Variants in SMAD9 observed in about 807,000 individuals in gnomAD.
The protein encoded by SMAD9 is MAD homolog 9.
SMAD9 carries 36 observed loss-of-function variants against 46.1 expected under a neutral mutation model. The observed-to-expected ratio is 0.78, with a 90% CI of 0.60 to 1.03. The LOEUF (loss-of-function observed/expected upper bound fraction) is 1.03, where lower values mean the gene tolerates loss of function less well. SMAD9 is among the 50% of genes least tolerant of loss of function. The pLI is 0.00. For synonymous variants in SMAD9, 245 were observed against 237.1 expected (o/e 1.03, Z -0.31); for missense variants, 572 against 599.8 (o/e 0.95, Z 0.48).
At position 36,893,239 on chromosome 13, in the gene SMAD9, C is replaced by T. The variant is rs73535752; in HGVS notation, c.-186-13364G>A. 2.0e-3 allele frequency among the ~76,000 whole-genome samples: 307 copies of T among 151,824 alleles called. 2 individuals carry two copies. The highest frequency in any genetic ancestry group is 7.0e-3 in the African/African-American group (291 of 41,460). ...CTCAACCAGCATTTTAAAAAATGGA[C>T]TAGATTTTATCAGTCATTGTTGATA... On this transcript the variant is annotated intron_variant, in intron 1 of 6. Transcript: ENST00000379826.
At chr13:36,896,359 C>G (rs2058528871) in intron 1 of SMAD9, among the ~76,000 whole-genome samples, 1 of 152,142 alleles carries the variant, frequency 6.6e-6, no homozygotes, top group Admixed American at 6.6e-5. Context: ...TTTCGAACTC[C>G]TTGGCTCAAG....
chr13:36,872,694 T>C lies in SMAD9; in HGVS notation c.634A>G (p.Ser212Gly). ...TAGGGACTCTCTGGCTCAGAAGGAC[T>C]TCCTGGGGAGTGAGGGTAGCTGGCC... Reference protein sequence around the residue: ...CTASYPHSPGSPSEPESPYQH... With the variant: ...CTASYPHSPGGPSEPESPYQH... The change falls in exon 3 of 7, where the codon AGT becomes GGT. Residue 212 changes from serine (S) to glycine (G), a missense_variant. Coordinates refer to ENST00000379826, the MANE Select transcript of SMAD9 (RefSeq NM_001127217.3). The C allele has an allele frequency of 6.2e-7, 1 of 1,613,998 alleles. No homozygotes were observed. Among genetic ancestry groups the C allele is most frequent in the Middle Eastern group, 1.6e-4 (1 of 6,062 alleles).
Position 36,879,574 on chromosome 13 carries a change from T to TC in SMAD9, c.115dup (p.Asp39GlyfsTer76). The stretch of plus-strand genomic sequence containing the variant: ...CTTCTTTAACTTCTTCACTAGAGAG[T>TC]CCACTGCCTTCTCTGCCCACTTTTC... On this transcript the variant is annotated frameshift_variant, in exon 2 of 7. Coordinates refer to ENST00000379826, the MANE Select transcript of SMAD9 (RefSeq NM_001127217.3). LOFTEE classifies it high-confidence loss of function. 6.2e-7 allele frequency: 1 copy of TC among 1,614,092 alleles called. No homozygotes were observed. The highest frequency in any genetic ancestry group is 8.5e-7 in the Non-Finnish European group (1 of 1,179,986).
intron 5 of SMAD9, among the ~76,000 whole-genome samples, chr13:36,861,763 T>C (rs949246952): frequency 1.3e-5 from 2 of 151,786 alleles, no homozygotes; most frequent in Non-Finnish European, 2.9e-5. Context: ...ACCCTTTCTC[T>C]ACTAAAAATA....
intron 6 of SMAD9, among the ~76,000 whole-genome samples, chr13:36,850,276 C>T (rs1006286993): frequency 6.6e-6 from 1 of 152,214 alleles, no homozygotes; most frequent in African/African-American, 2.4e-5. Flanking sequence ...TACTACCTCA[C>T]TGGTTGGTCT....
At chr13:36,855,277 A>G (rs1048804818) in intron 5 of SMAD9, among the ~76,000 whole-genome samples, 3 of 150,488 alleles carry the variant, frequency 2.0e-5, no homozygotes, top group African/African-American at 7.3e-5. Context: ...AAAAAAAAAG[A>G]AAAGCATCCT....
intron 1 of SMAD9, among the ~76,000 whole-genome samples, chr13:36,910,281 A>C (rs972834162): frequency 2.0e-5 from 3 of 152,164 alleles, no homozygotes; most frequent in African/African-American, 7.2e-5. Flanking sequence ...CACTATGTTC[A>C]AATGTAGAGA....
At chr13:36,889,504 G>T (rs2058473197) in intron 1 of SMAD9, among the ~76,000 whole-genome samples, 1 of 152,144 alleles carries the variant, frequency 6.6e-6, no homozygotes, top group African/African-American at 2.4e-5. Flanking sequence ...TTAACTCATA[G>T]AACAAAGCAG....
intron 5 of SMAD9, among the ~76,000 whole-genome samples, chr13:36,856,918 T>A (rs2058132254): frequency 6.6e-6 from 1 of 150,954 alleles, no homozygotes; most frequent in South Asian, 2.1e-4. Context: ...TTCTCCTGCA[T>A]CAGCCTCCCG....
intron 1 of SMAD9, among the ~76,000 whole-genome samples, chr13:36,908,719 G>GA (rs1263528004): frequency 2.6e-5 from 4 of 151,348 alleles, no homozygotes; most frequent in Non-Finnish European, 4.4e-5. Context: ...TAGTCAAAAG[G>GA]AAAAAAAAGA....
rs566527031 is a variant in SMAD9 at position 36,860,808 on chromosome 13, A to T, written c.1003+4729T>A. The stretch of plus-strand genomic sequence containing the variant: ...AGTGGGGGTAGCTATCATCATCATC[A>T]TATTATTATTATTTGATATGTCATT... On this transcript the variant is annotated intron_variant, in intron 5 of 6. Transcript: ENST00000379826. 2.7e-4 allele frequency among the ~76,000 whole-genome samples: 41 copies of T among 151,956 alleles called. No homozygotes were observed. In the East Asian group the frequency reaches 3.1e-3, roughly 11 times the overall value.
At chr13:36,910,073 T>A (rs2058648955) in intron 1 of SMAD9, among the ~76,000 whole-genome samples, 1 of 151,830 alleles carries the variant, frequency 6.6e-6, no homozygotes, top group South Asian at 2.1e-4. Flanking sequence ...GGCGGGCGCC[T>A]GTAGTCCCAG....
intron 1 of SMAD9, among the ~76,000 whole-genome samples, chr13:36,911,735 T>G (rs2138696988): frequency 1.4e-5 from 2 of 144,776 alleles, no homozygotes; most frequent in East Asian, 3.9e-4. Flanking sequence ...TGAGACAGAG[T>G]TTTGCTCTTG....
At chr13:36,904,290 T>C (rs2058601287) in intron 1 of SMAD9, among the ~76,000 whole-genome samples, 1 of 152,210 alleles carries the variant, frequency 6.6e-6, no homozygotes, top group Admixed American at 6.5e-5. Context: ...GGGAGTTAGA[T>C]ATGCGACTCT....
chr13:36,904,939 C>A (rs1384277142), intron 1 of SMAD9, among the ~76,000 whole-genome samples: 2 of 152,162 alleles, frequency 1.3e-5, no homozygotes, highest in Non-Finnish European at 2.9e-5. Context: ...TAGTTTTCTT[C>A]TTTTCCTTTA....
At chr13:36,873,048 T>G (rs2058311713) in intron 2 of SMAD9, 133 bp from the exon 3 acceptor site, 1 of 980,920 alleles carries the variant, frequency 1.0e-6, no homozygotes, top group African/African-American at 1.6e-5. Context: ...CTACTCCCAT[T>G]AGTCTTTGTG....
rs202127380 is a variant in SMAD9, at chr13:36,857,889, TC to T, written c.1004-4215del. 6.5e-3 allele frequency among the ~76,000 whole-genome samples: 997 copies of T among 152,296 alleles called. 36 individuals are homozygous for T. Among genetic ancestry groups the T allele is most frequent in the Admixed American group, 0.058 (893 of 15,296 alleles). On this transcript the variant is annotated intron_variant, in intron 5 of 6. Coordinates refer to ENST00000379826, the MANE Select transcript of SMAD9 (RefSeq NM_001127217.3). ...CTCCTCTCGAGTTTGTAATTAATCT[TC>T]CCCTTGCCTTTGTTGCCTTTTCTTC...
chr13:36,885,585 T>C (rs1013404849), intron 1 of SMAD9, among the ~76,000 whole-genome samples: 1 of 152,074 alleles, frequency 6.6e-6, no homozygotes, highest in African/African-American at 2.4e-5. Context: ...AGGAGACTTT[T>C]CTAGCTGTAT....
At chr13:36,919,981 C>G (rs1268599166) in intron 1 of SMAD9, 135 bp downstream of exon 1, 1 of 151,292 alleles carries the variant, frequency 6.6e-6, no homozygotes, top group African/African-American at 2.4e-5. Context: ...CGCACACAAG[C>G]AGCGCGCGGC....
Sources: gnomAD v4.1 joint callset for allele counts (sites outside exome capture counted in the v4.1 genomes callset) on GRCh38, gnomAD v4.1.1 for gene constraint, MANE v1.5 for transcripts, NCBI Gene and HGNC (gene_info 2026-07-23, HGNC 2026-07-21) for gene names.